The following MAPK8 variants were observed in gnomAD, a reference collection of about 807,000 sequenced individuals.
MAPK8 encodes the protein mitogen-activated protein kinase 8.
A neutral mutation model predicts 52.9 loss-of-function variants in MAPK8; 13 were observed. That is an observed-to-expected ratio of 0.25 (90% CI 0.16 to 0.39). The LOEUF (loss-of-function observed/expected upper bound fraction) is 0.39, where lower values mean the gene tolerates loss of function less well. Ranked by LOEUF, MAPK8 falls within the 10% of genes least tolerant of loss-of-function variation. The pLI is 1.00. For synonymous variants in MAPK8, 191 were observed against 169.8 expected (o/e 1.12, Z -0.97); for missense variants, 300 against 519.2 (o/e 0.58, Z 4.10).
chr10:48,319,158 T>C (rs530094819), intron 1 of MAPK8, among the ~76,000 whole-genome samples: 1 of 152,336 alleles, frequency 6.6e-6, no homozygotes, highest in Admixed American at 6.5e-5. Flanking sequence ...TCACAATTTC[T>C]GTTACGTTGT....
chr10:48,437,596 T>G lies in MAPK8; in HGVS notation c.*2567T>G, dbSNP rs377506835. ...CTTCCCTCTAATATATACTGGCCAT[T>G]TGTAAAACCATTGTGTTGTTGGGAT... On this transcript the variant is annotated 3_prime_UTR_variant, in exon 12 of 12. Transcript: ENST00000374189. 2.6e-5 allele frequency: 4 copies of G among 152,258 alleles called. No homozygotes were observed. In the East Asian group the frequency reaches 5.8e-4, roughly 22 times the overall value. 9.4% of individuals were successfully genotyped at this position (152,258 alleles called of 1,614,324 possible). A position where few individuals can be genotyped will look rare whatever the true frequency, so the allele number is the denominator to read the frequency against.
At chr10:48,428,890 G>A (rs2043914286) in intron 10 of MAPK8, among the ~76,000 whole-genome samples, 1 of 151,336 alleles carries the variant, frequency 6.6e-6, no homozygotes, top group Non-Finnish European at 1.5e-5. Context: ...GTATGATCAT[G>A]GCTCACTGCA....
At chr10:48,323,373 T>A (rs1588938977) in intron 1 of MAPK8, among the ~76,000 whole-genome samples, 1 of 152,216 alleles carries the variant, frequency 6.6e-6, no homozygotes, top group Non-Finnish European at 1.5e-5. Flanking sequence ...ATAAAATTTT[T>A]AAATTTCGCA....
chr10:48,376,705 G>A (rs904132759), intron 1 of MAPK8, among the ~76,000 whole-genome samples: 1 of 152,146 alleles, frequency 6.6e-6, no homozygotes, highest in African/African-American at 2.4e-5. Flanking sequence ...CAGTTAGAAT[G>A]GCAATCATTA....
rs1003034938 is a variant in MAPK8 at position 48,438,463 on chromosome 10, G to A, written c.*3434G>A. On this transcript the variant is annotated 3_prime_UTR_variant, in exon 12 of 12. Transcript: ENST00000374189. ...CCTAATTTCAAACTGACTGCTCTTC[G>A]TTAAGTGCTCTTAAGGAGAGTCTAG... 1 of 152,280 alleles carries A rather than the reference G, an allele frequency of 6.6e-6. No homozygotes were observed. The highest frequency in any genetic ancestry group is 1.5e-5 in the Non-Finnish European group (1 of 68,002). 9.4% of individuals were successfully genotyped at this position (152,280 alleles called of 1,614,324 possible). A position where few individuals can be genotyped will look rare whatever the true frequency, so the allele number is the denominator to read the frequency against.
intron 1 of MAPK8, among the ~76,000 whole-genome samples, chr10:48,328,152 G>T (rs2132223555): frequency 6.6e-6 from 1 of 152,248 alleles, no homozygotes; most frequent in Non-Finnish European, 1.5e-5. Context: ...AAGTAGCTGG[G>T]ATTACAGGTA....
At chr10:48,385,341 C>T (rs1486074866) in intron 1 of MAPK8, among the ~76,000 whole-genome samples, 1 of 152,096 alleles carries the variant, frequency 6.6e-6, no homozygotes, top group Admixed American at 6.6e-5. Flanking sequence ...AATCAAAAAA[C>T]CCAAACCACA....
At chr10:48,347,417 C>CTT (rs903469828) in intron 1 of MAPK8, among the ~76,000 whole-genome samples, 8 of 152,118 alleles carry the variant, frequency 5.3e-5, no homozygotes, top group African/African-American at 1.9e-4. Context: ...TTTTATTGTA[C>CTT]TTTAAGTTTT....
At chr10:48,340,387 C>T (rs1184941574) in intron 1 of MAPK8, among the ~76,000 whole-genome samples, 2 of 152,136 alleles carry the variant, frequency 1.3e-5, no homozygotes, top group African/African-American at 2.4e-5. Context: ...ACACTAGTGA[C>T]TCCAAAAGGA....
At chr10:48,346,605 C>G (rs1845810522) in intron 1 of MAPK8, among the ~76,000 whole-genome samples, 2 of 152,160 alleles carry the variant, frequency 1.3e-5, no homozygotes, top group South Asian at 4.1e-4. Flanking sequence ...GCTCCTCCAC[C>G]TCTTGTGGAG....
rs1170571295 is a variant in MAPK8, at chr10:48,426,483, T to C, written c.975T>C (p.Tyr325=). 1 of 1,611,370 alleles carries C rather than the reference T, an allele frequency of 6.2e-7. No individual in the cohort carries two copies. The highest frequency in any genetic ancestry group is 8.5e-7 in the Non-Finnish European group (1 of 1,179,066). ...ALQHPYINVW[Y]DPSEAEAPPP... is the part of the protein sequence containing the mutation. ...AACACCCGTACATCAATGTCTGGTA[T>C]GATCCTTCTGAAGCAGAAGCTGTAA... The change falls in exon 9 of 12, where the codon TAT becomes TAC. Residue 325 remains tyrosine (Y), a synonymous_variant. Coordinates refer to ENST00000374189, the MANE Select transcript of MAPK8 (RefSeq NM_001323329.2).
intron 1 of MAPK8, among the ~76,000 whole-genome samples, chr10:48,378,605 C>T (rs1475316111): frequency 6.6e-6 from 1 of 151,980 alleles, no homozygotes; most frequent in Non-Finnish European, 1.5e-5. Flanking sequence ...GGATTTAGTC[C>T]AAGTGGTAGA....
At chr10:48,357,788 C>G (rs893450180) in intron 1 of MAPK8, among the ~76,000 whole-genome samples, 4 of 152,166 alleles carry the variant, frequency 2.6e-5, no homozygotes. Context: ...GCATCCGTCA[C>G]CACTGTATAG....
intron 11 of MAPK8, among the ~76,000 whole-genome samples, chr10:48,432,734 T>G (rs1298765099): frequency 6.6e-6 from 1 of 152,210 alleles, no homozygotes; most frequent in Non-Finnish European, 1.5e-5. Flanking sequence ...AGCATTTGTA[T>G]TTGTTCTTAA....
chr10:48,390,735 G>T lies in MAPK8; in HGVS notation c.-49-10877G>T, dbSNP rs370415201. On this transcript the variant is annotated intron_variant, in intron 1 of 11. Coordinates refer to ENST00000374189, the MANE Select transcript of MAPK8 (RefSeq NM_001323329.2). Reference sequence around the variant, plus strand: ...TGAGTCATAAAAACCTAATATAGCCGCCCCCCTTTACTAATGAAGAGAAAC... The same window carrying T: ...TGAGTCATAAAAACCTAATATAGCCTCCCCCCTTTACTAATGAAGAGAAAC... Among the ~76,000 whole-genome samples, 10 of 152,206 alleles carry T rather than the reference G, an allele frequency of 6.6e-5. No individual in the cohort carries two copies. The East Asian group carries it at 1.7e-3, about 26-fold the overall frequency.
chr10:48,408,801 T>C (rs1391856008), intron 3 of MAPK8, among the ~76,000 whole-genome samples: 3 of 152,200 alleles, frequency 2.0e-5, no homozygotes, highest in Non-Finnish European at 2.9e-5. Flanking sequence ...TTCTGTAGGC[T>C]GGGAAGTTCA....
Position 48,431,234 on chromosome 10 carries a change from A to G in MAPK8, c.1102A>G (p.Lys368Glu), listed in dbSNP as rs1346038846. The change falls in exon 11 of 12, where the codon AAG becomes GAG. Residue 368 changes from lysine to glutamate, a missense_variant. Lys to Glu is a moderately conservative substitution (Grantham distance 56). Transcript: ENST00000374189. ...KEVMDLEERTKNGVIRGQPSP... is the reference protein window; with the variant it reads ...KEVMDLEERTENGVIRGQPSP... ...AGTTATGGACTTGGAGGAGAGAACCAAGAATGGAGTTATACGGGGGCAGCC... is the reference window on the plus strand; with the variant it reads ...AGTTATGGACTTGGAGGAGAGAACCGAGAATGGAGTTATACGGGGGCAGCC... 6.2e-7 allele frequency: 1 copy of G among 1,612,306 alleles called. No individual in the cohort carries two copies. Among genetic ancestry groups the G allele is most frequent in the Non-Finnish European group, 8.5e-7 (1 of 1,178,462 alleles).
chr10:48,357,599 T>C (rs1442840712), intron 1 of MAPK8, among the ~76,000 whole-genome samples: 1 of 152,140 alleles, frequency 6.6e-6, no homozygotes. Context: ...AGTTTCACCA[T>C]GTTGCCCAGG....
intron 1 of MAPK8, among the ~76,000 whole-genome samples, chr10:48,321,222 C>T (rs1842968407): frequency 6.6e-6 from 1 of 151,138 alleles, no homozygotes; most frequent in African/African-American, 2.4e-5. Flanking sequence ...CCCAGCCTCA[C>T]AAGTAGCTAG....
Sources: allele counts gnomAD v4.1 joint callset (sites outside exome capture counted in the v4.1 genomes callset), GRCh38; gene constraint gnomAD v4.1.1; transcripts MANE v1.5; gene names NCBI Gene and HGNC (gene_info 2026-07-23, HGNC 2026-07-21).